The following ACCSL variants were observed in gnomAD, a reference collection of about 807,000 sequenced individuals.
ACCSL encodes the protein 1-aminocyclopropane-1-carboxylate synthase homolog (inactive) like.
ACCSL carries 55 observed loss-of-function variants against 61.7 expected under a neutral mutation model. The observed-to-expected ratio is 0.89, with a 90% CI of 0.72 to 1.12. ACCSL has a LOEUF of 1.12. Among genes scored for constraint, ACCSL ranks in the 50% most tolerant of loss-of-function variants. ACCSL has a pLI of 0.00. For missense variants in ACCSL, 632 were observed against 698.0 expected (o/e 0.91, Z 1.07); for synonymous variants, 258 against 264.3 (o/e 0.98, Z 0.23).
At chr11:43,942,690 C>A in the ACCSL span, 2 of 174,120 alleles carry the variant, frequency 1.1e-5, no homozygotes, top group South Asian at 1.1e-4. Flanking sequence ...AACAGCGCCC[C>A]CCGAGCCCCG....
chr11:43,930,835 A>G, the ACCSL span, among the ~76,000 whole-genome samples: 15 of 152,336 alleles, frequency 9.8e-5, no homozygotes, highest in South Asian at 1.0e-3. Context: ...GCACACACGC[A>G]CACACACTAA....
chr11:43,935,894 G>A, the ACCSL span, among the ~76,000 whole-genome samples: 5 of 152,250 alleles, frequency 3.3e-5, no homozygotes, highest in South Asian at 4.1e-4. Context: ...CCCCTGTCCC[G>A]GGGTGGCTGG....
chr11:44,021,187 A>G, the ACCSL span, among the ~76,000 whole-genome samples: 9 of 152,202 alleles, frequency 5.9e-5, no homozygotes, highest in South Asian at 2.1e-4. Flanking sequence ...TCTTTAAGGA[A>G]TCTCCATACT....
the ACCSL span, among the ~76,000 whole-genome samples, chr11:43,996,667 C>G: frequency 6.6e-6 from 1 of 152,050 alleles, no homozygotes; most frequent in Non-Finnish European, 1.5e-5. Context: ...GGTTCTCTCT[C>G]CCAGAGGAAA....
the ACCSL span, among the ~76,000 whole-genome samples, chr11:43,955,242 C>A: frequency 1.3e-5 from 2 of 152,172 alleles, no homozygotes; most frequent in East Asian, 3.8e-4. Flanking sequence ...TCCTTTGCAA[C>A]CAGCGTGGTC....
At chr11:43,973,997 G>A in the ACCSL span, 1 of 152,220 alleles carries the variant, frequency 6.6e-6, no homozygotes, top group Non-Finnish European at 1.5e-5. Flanking sequence ...ACTAGCCTGT[G>A]ATAGACAGAG....
At chr11:43,975,240 A>G in the ACCSL span, among the ~76,000 whole-genome samples, 1 of 152,236 alleles carries the variant, frequency 6.6e-6, no homozygotes, top group Non-Finnish European at 1.5e-5. Flanking sequence ...GTTTATCAAC[A>G]CTGTTAAGTA....
chr11:43,936,057 C>T, the ACCSL span, among the ~76,000 whole-genome samples: 2 of 152,204 alleles, frequency 1.3e-5, no homozygotes, highest in Non-Finnish European at 2.9e-5. Context: ...GGCCTGCCCA[C>T]CCTTTGCATC....
the ACCSL span, among the ~76,000 whole-genome samples, chr11:44,006,148 G>T: frequency 2.6e-5 from 4 of 152,210 alleles, no homozygotes; most frequent in Admixed American, 2.6e-4. Context: ...CCCAGGAGGG[G>T]TGACTGTGTG....
chr11:43,968,565 T>C, the ACCSL span, among the ~76,000 whole-genome samples: 1 of 152,342 alleles, frequency 6.6e-6, no homozygotes, highest in South Asian at 2.1e-4. Flanking sequence ...TTACTTTCAT[T>C]CCAAAATCTC....
the ACCSL span, among the ~76,000 whole-genome samples, chr11:43,996,793 A>G: frequency 1.4e-5 from 2 of 147,076 alleles, no homozygotes; most frequent in Admixed American, 6.9e-5. Context: ...CATGTTCCTC[A>G]AGGTTCTCAA....
chr11:44,008,919 C>A, the ACCSL span, among the ~76,000 whole-genome samples: 2 of 152,208 alleles, frequency 1.3e-5, no homozygotes, highest in Non-Finnish European at 2.9e-5. Context: ...GTGATCCCAG[C>A]ACTTTGGGAG....
At chr11:43,973,310 T>A in the ACCSL span, among the ~76,000 whole-genome samples, 1 of 152,158 alleles carries the variant, frequency 6.6e-6, no homozygotes, top group Non-Finnish European at 1.5e-5. Context: ...ACAAAATGAT[T>A]TTGAGTGGTA....
At chr11:44,032,500 A>G in the ACCSL span, among the ~76,000 whole-genome samples, 2 of 152,146 alleles carry the variant, frequency 1.3e-5, no homozygotes, top group African/African-American at 4.8e-5. Flanking sequence ...ATGAAATAAC[A>G]TTGCCAAGTG....
chr11:43,949,050 C>T, the ACCSL span, among the ~76,000 whole-genome samples: 1 of 152,226 alleles, frequency 6.6e-6, no homozygotes, highest in African/African-American at 2.4e-5. Context: ...GATGGACAAC[C>T]ACTCTCAGGG....
the ACCSL span, among the ~76,000 whole-genome samples, chr11:44,036,608 C>A: frequency 6.6e-6 from 1 of 151,092 alleles, no homozygotes; most frequent in Non-Finnish European, 1.5e-5. Context: ...ATGGCAAAAC[C>A]CTGTCTCTAC....
Position 44,048,478 on chromosome 11 carries a change from T to C in ACCSL, c.442T>C (p.Ser148Pro). ...RGIDISVFYQSSFQDYNAYQK... is the reference protein window; with the variant it reads ...RGIDISVFYQPSFQDYNAYQK... ...GATTGACATCTCTGTCTTTTATCAG[T>C]CGAGCTTCCAGGACTACAATGCCTA... The change falls in exon 1 of 14, where the codon TCG (serine) becomes CCG (proline). Residue 148 changes from serine to proline, a missense_variant. Transcript: ENST00000378832. 1 of 1,609,358 alleles carries C rather than the reference T, an allele frequency of 6.2e-7. No homozygotes were observed. The highest frequency in any genetic ancestry group is 8.5e-7 in the Non-Finnish European group (1 of 1,179,598).
chr11:44,041,518 A>G, the ACCSL span, among the ~76,000 whole-genome samples: 3 of 152,222 alleles, frequency 2.0e-5, no homozygotes, highest in Non-Finnish European at 4.4e-5. Context: ...AGTCTGACCT[A>G]TGTGTATATG....
the ACCSL span, among the ~76,000 whole-genome samples, chr11:44,015,255 G>A: frequency 3.9e-4 from 60 of 152,304 alleles, no homozygotes; most frequent in Middle Eastern, 3.4e-3. Context: ...CAATACACCA[G>A]ACAATAAATC....
Sources: gnomAD v4.1 joint callset for allele counts (sites outside exome capture counted in the v4.1 genomes callset) on GRCh38, gnomAD v4.1.1 for gene constraint, MANE v1.5 for transcripts, NCBI Gene and HGNC (gene_info 2026-07-23, HGNC 2026-07-21) for gene names.